METTL8: variants seen among roughly 807,000 people sequenced by gnomAD.
METTL8 encodes methyltransferase 8, tRNA N3-cytidine.
Under a neutral mutation model 48.7 loss-of-function variants are expected in METTL8, and 32 were observed. The observed-to-expected ratio is 0.66, with a 90% CI of 0.50 to 0.88. The LOEUF (loss-of-function observed/expected upper bound fraction) is 0.88. Among genes scored for constraint, METTL8 ranks in the 40% least tolerant of loss-of-function variants. The pLI, the probability that METTL8 is intolerant of heterozygous loss-of-function variation, is 0.00. For missense variants in METTL8, 464 were observed against 474.4 expected (o/e 0.98, Z 0.20); for synonymous variants, 136 against 157.1 (o/e 0.87, Z 1.01).
Position 171,404,514 on chromosome 2 carries a change from C to T in METTL8, c.-12-12317G>A, listed in dbSNP as rs113724503. On this transcript the variant is annotated intron_variant, in intron 1 of 9. Coordinates refer to ENST00000375258, the MANE Select transcript of METTL8 (RefSeq NM_001321154.2). ...CAGGACAGAGTGAGATGGTGTGACA[C>T]TTCATCATGCTATTCAGAATGGCAT... Among the ~76,000 whole-genome samples the T allele has an allele frequency of 1.4e-3, 213 of 152,210 alleles. 4 individuals are homozygous for T. The East Asian group carries it at 0.015, about 11-fold the overall frequency.
chr2:171,374,795 T>C, intron 2 of METTL8: 3 of 643,434 alleles, frequency 4.7e-6, no homozygotes, highest in Non-Finnish European at 8.3e-6. Flanking sequence ...AGCATAATTA[T>C]TCTGAAATTC....
intron 1 of METTL8, among the ~76,000 whole-genome samples, chr2:171,401,265 T>C (rs749655405): frequency 5.9e-5 from 9 of 152,154 alleles, no homozygotes; most frequent in African/African-American, 1.4e-4. Flanking sequence ...TCAACTACAC[T>C]GCAGTGAAAA....
At chr2:171,352,425 TTC>T (rs1408400926) in intron 3 of METTL8, among the ~76,000 whole-genome samples, 1 of 152,198 alleles carries the variant, frequency 6.6e-6, no homozygotes, top group African/African-American at 2.4e-5. Flanking sequence ...TGGTCTAAAA[TTC>T]TCTTTTTTTG....
intron 3 of METTL8, among the ~76,000 whole-genome samples, chr2:171,348,547 G>A (rs1036468951): frequency 6.6e-6 from 1 of 152,132 alleles, no homozygotes; most frequent in African/African-American, 2.4e-5. Context: ...GAACCAAGTT[G>A]TTCTGGCAAA....
chr2:171,337,748 G>A (rs760489860), intron 4 of METTL8, among the ~76,000 whole-genome samples: 17 of 150,648 alleles, frequency 1.1e-4, no homozygotes, highest in Admixed American at 6.6e-5. Flanking sequence ...TAACCAATAC[G>A]CTGTGAAGAA....
At chr2:171,327,108 C>T (rs564177604) in intron 7 of METTL8, 2 of 152,370 alleles carry the variant, frequency 1.3e-5, no homozygotes, top group African/African-American at 4.8e-5. Context: ...GAATTCTCTC[C>T]TCCTTACTGT....
rs763021449 is a variant in METTL8 at position 171,356,952 on chromosome 2, A to ATTTTTTTTTTTTT, written c.235+3457_235+3469dup. On this transcript the variant is annotated intron_variant, in intron 3 of 9. Transcript: ENST00000375258. ...CAAATTAGCCTTGTTCAAAGACAAT[A>ATTTTTTTTTTTTT]TTTTTTTTTTTTTTTTTGAGACAGG... Among the ~76,000 whole-genome samples the ATTTTTTTTTTTTT allele has an allele frequency of 5.6e-4, 44 of 78,422 alleles. 12 individuals carry two copies. Among genetic ancestry groups the ATTTTTTTTTTTTT allele is most frequent in the Non-Finnish European group, 7.0e-4 (29 of 41,376 alleles). The allele number at this position is 78,422 out of a possible 152,430, so 51.4% of individuals were successfully genotyped here. A position where few individuals can be genotyped will look rare whatever the true frequency, so the allele number is the denominator to read the frequency against.
In METTL8 at chr2:171,396,713, T is replaced by G. The variant is rs186855623; in HGVS notation, c.-12-4516A>C. Among the ~76,000 whole-genome samples the G allele has an allele frequency of 2.0e-3, 304 of 152,288 alleles. 3 individuals carry two copies. The highest frequency in any genetic ancestry group is 6.8e-3 in the African/African-American group (282 of 41,560). On this transcript the variant is annotated intron_variant, in intron 1 of 9. Coordinates refer to ENST00000375258, the MANE Select transcript of METTL8 (RefSeq NM_001321154.2). ...TCTGAAGAGAAATTAGAAAATATGT[T>G]GAACTGAATGATAACAAAATCTGAA...
At chr2:171,372,932 C>G (rs1399783957) in intron 2 of METTL8, among the ~76,000 whole-genome samples, 3 of 152,160 alleles carry the variant, frequency 2.0e-5, no homozygotes, top group Admixed American at 6.5e-5. Flanking sequence ...TGAATAGTGC[C>G]GCAATAAACA....
At chr2:171,423,105 T>C (rs1574239013) in intron 1 of METTL8, among the ~76,000 whole-genome samples, 2 of 152,218 alleles carry the variant, frequency 1.3e-5, no homozygotes, top group Non-Finnish European at 2.9e-5. Context: ...CCTGCTTCAC[T>C]CTGCACTTCT....
intron 7 of METTL8, 182 bp from the exon 8 acceptor site, chr2:171,326,330 G>C (rs764407992): frequency 1.3e-5 from 7 of 535,862 alleles, no homozygotes; most frequent in South Asian, 2.9e-5. Flanking sequence ...AAACCAACTT[G>C]CTAAATGACT....
chr2:171,366,510 A>T (rs1281312463), intron 2 of METTL8, among the ~76,000 whole-genome samples: 1 of 152,200 alleles, frequency 6.6e-6, no homozygotes, highest in Non-Finnish European at 1.5e-5. Context: ...TAGACATGCA[A>T]ATCAAGAGAA....
At chr2:171,381,748 G>A (rs1309829766) in intron 2 of METTL8, among the ~76,000 whole-genome samples, 1 of 150,376 alleles carries the variant, frequency 6.6e-6, no homozygotes, top group East Asian at 1.9e-4. Context: ...GGAAACAATA[G>A]ACGCTGACAA....
intron 7 of METTL8, 78 bp from the exon 8 acceptor site, chr2:171,326,226 A>G (rs2105386625): frequency 1.3e-6 from 1 of 745,440 alleles, no homozygotes; most frequent in East Asian, 2.8e-5. Flanking sequence ...TTTGTTGAAG[A>G]CAAAATAAGA....
intron 6 of METTL8, 124 bp downstream of exon 6, chr2:171,331,680 G>A (rs557257024): frequency 1.4e-6 from 1 of 723,876 alleles, no homozygotes; most frequent in Non-Finnish European, 2.4e-6. Context: ...GCCTCCCAAA[G>A]TGCTGGGATT....
intron 1 of METTL8, 116 bp from the exon 2 acceptor site, chr2:171,392,313 A>C: frequency 1.3e-6 from 1 of 766,572 alleles, no homozygotes; most frequent in African/African-American, 1.8e-5. Context: ...GAAAACTAGA[A>C]ACTTTTTAAT....
chr2:171,369,494 T>C (rs1405914046), intron 2 of METTL8, among the ~76,000 whole-genome samples: 1 of 152,242 alleles, frequency 6.6e-6, no homozygotes, highest in Non-Finnish European at 1.5e-5. Flanking sequence ...GAATATACAT[T>C]TACATTAAAA....
At chr2:171,388,858 G>A (rs992860128) in intron 2 of METTL8, among the ~76,000 whole-genome samples, 1 of 152,090 alleles carries the variant, frequency 6.6e-6, no homozygotes, top group Admixed American at 6.5e-5. Context: ...GATCTTTGAT[G>A]TTACTATTGT....
In METTL8 at chr2:171,330,657, A is replaced by T; in HGVS notation, c.762T>A (p.Val254=). ...GTAAGCCATCATCACATACATCATG[A>T]ACAAAGGCAAAACACTGGGTTGCTC... The part of the protein sequence containing the change: ...SYRATQCFAF[V]HDVCDDGLPY... The change falls in exon 7 of 10, where the codon GTT becomes GTA. Residue 254 remains valine, a synonymous_variant. Transcript: ENST00000375258. The T allele has an allele frequency of 1.9e-6, 3 of 1,613,806 alleles. No homozygotes were observed. The highest frequency in any genetic ancestry group is 2.5e-6 in the Non-Finnish European group (3 of 1,179,872).
Sources: allele counts gnomAD v4.1 joint callset (sites outside exome capture counted in the v4.1 genomes callset), GRCh38; gene constraint gnomAD v4.1.1; transcripts MANE v1.5; gene names NCBI Gene and HGNC (gene_info 2026-07-23, HGNC 2026-07-21).